The following FRMD4B variants were observed in gnomAD, a reference collection of about 807,000 sequenced individuals.
The protein encoded by FRMD4B is FERM domain containing 4B.
A neutral mutation model predicts 141.5 loss-of-function variants in FRMD4B; 74 were observed. The observed-to-expected ratio is 0.52, with a 90% CI of 0.43 to 0.63. The LOEUF (loss-of-function observed/expected upper bound fraction) is 0.63, where lower values mean the gene tolerates loss of function less well. FRMD4B is among the 30% of genes least tolerant of loss of function. The probability of loss-of-function intolerance (pLI) is 0.00; values close to 1 mark genes in which losing one functional copy is unlikely to be tolerated. For synonymous variants in FRMD4B, 506 were observed against 467.9 expected (o/e 1.08, Z -1.05); for missense variants, 1,366 against 1,253.4 (o/e 1.09, Z -1.36).
chr3:69,311,390 T>C, intron 2 of FRMD4B, 33 bp from the exon 3 acceptor site: 1 of 1,090,598 alleles, frequency 9.2e-7, no homozygotes, highest in Non-Finnish European at 1.4e-6. Context: ...AGAAGCAATT[T>C]GGTTGCCTCT....
rs113039134 is a variant in FRMD4B, at chr3:69,208,959, C to A, written c.876+7304G>T. On this transcript the variant is annotated intron_variant, in intron 11 of 22. Coordinates refer to ENST00000398540, the MANE Select transcript of FRMD4B (RefSeq NM_015123.3). ...AGGGGTTCGAGGCCAGCCTGGCCAACGTGGTGAAACCCCATCTCTACTACA... is the reference window on the plus strand; with the variant it reads ...AGGGGTTCGAGGCCAGCCTGGCCAAAGTGGTGAAACCCCATCTCTACTACA... Among the ~76,000 whole-genome samples, 408 of 152,202 alleles carry A rather than the reference C, an allele frequency of 2.7e-3. 2 individuals are homozygous for A. Among genetic ancestry groups the A allele is most frequent in the African/African-American group, 9.1e-3 (376 of 41,520 alleles).
At chr3:69,329,516 A>ATTT (rs10554375) in intron 1 of FRMD4B, among the ~76,000 whole-genome samples, 896 of 55,548 alleles carry the variant, frequency 0.016, 161 homozygotes, top group African/African-American at 0.019. Context: ...TGCCCAGCTA[A>ATTT]TTTTTTTTTT....
At chr3:69,496,353 C>T (rs1454885613) in intron 1 of FRMD4B, among the ~76,000 whole-genome samples, 1 of 152,118 alleles carries the variant, frequency 6.6e-6, no homozygotes, top group Admixed American at 6.5e-5. Context: ...CCACTTTCTG[C>T]TCCAGGAATG....
At chr3:69,494,986 A>AGGAAAGGGAG (rs901704401) in intron 1 of FRMD4B, among the ~76,000 whole-genome samples, 4 of 149,478 alleles carry the variant, frequency 2.7e-5, no homozygotes, top group African/African-American at 9.8e-5. Context: ...GGAGAGGGGA[A>AGGAAAGGGAG]GGAAAGGGAG....
At chr3:69,189,450 A>C (rs1297315748) in intron 18 of FRMD4B, among the ~76,000 whole-genome samples, 4 of 152,166 alleles carry the variant, frequency 2.6e-5, no homozygotes, top group Non-Finnish European at 5.9e-5. Flanking sequence ...TATTGTGATG[A>C]ATACAGTGAT....
intron 1 of FRMD4B, among the ~76,000 whole-genome samples, chr3:69,441,430 C>A (rs1007128637): frequency 1.2e-4 from 18 of 152,122 alleles, no homozygotes; most frequent in Admixed American, 9.2e-4. Flanking sequence ...GCTGTTTGGG[C>A]CTCGGTTCAG....
At chr3:69,208,544 C>T (rs374383360) in intron 11 of FRMD4B, among the ~76,000 whole-genome samples, 1 of 152,116 alleles carries the variant, frequency 6.6e-6, no homozygotes, top group Admixed American at 6.6e-5. Context: ...ATCGGCATAC[C>T]CTGTTCTTTG....
intron 6 of FRMD4B, 46 bp downstream of exon 6, chr3:69,249,997 G>A (rs377615613): frequency 2.3e-5 from 30 of 1,316,782 alleles, no homozygotes; most frequent in Non-Finnish European, 2.9e-5. Flanking sequence ...TAACAAAAAC[G>A]AACAAACACA....
chr3:69,411,327 G>A (rs756940941), intron 2 of FRMD4B, among the ~76,000 whole-genome samples: 19 of 152,102 alleles, frequency 1.2e-4, no homozygotes, highest in Non-Finnish European at 2.2e-4. Flanking sequence ...TCATTGTCCT[G>A]AGAGTATTTA....
rs532341346 is a variant in FRMD4B at position 69,169,012 on chromosome 3, T to A, written c.*2849A>T. On this transcript the variant is annotated 3_prime_UTR_variant, in exon 23 of 23. Transcript: ENST00000398540. ...AGAAAACAAAACAAACAAAAAAAAA[T>A]GTTGTAAAACTGTACTTGTAATATG... is the stretch of plus-strand genomic sequence containing the variant. Among the ~76,000 whole-genome samples the A allele has an allele frequency of 5.3e-5, 8 of 149,654 alleles. No homozygotes were observed. The South Asian group carries it at 1.7e-3, about 32-fold the overall frequency.
chr3:69,510,118 C>G (rs931553515), intron 1 of FRMD4B, among the ~76,000 whole-genome samples: 5 of 151,956 alleles, frequency 3.3e-5, no homozygotes, highest in Non-Finnish European at 7.4e-5. Context: ...CCTGAATATT[C>G]GTCCAGAACA....
At chr3:69,207,655 A>G (rs924647167) in intron 11 of FRMD4B, among the ~76,000 whole-genome samples, 3 of 152,076 alleles carry the variant, frequency 2.0e-5, no homozygotes, top group African/African-American at 7.2e-5. Context: ...TAAAAATACA[A>G]AAATTAGCTG....
chr3:69,436,367 A>C (rs1310254911), intron 1 of FRMD4B, among the ~76,000 whole-genome samples: 1 of 152,234 alleles, frequency 6.6e-6, no homozygotes, highest in Admixed American at 6.5e-5. Flanking sequence ...TAATAAAAAA[A>C]CTGTAGGATA....
intron 5 of FRMD4B, among the ~76,000 whole-genome samples, chr3:69,269,249 G>A (rs142422050): frequency 1.3e-5 from 2 of 151,766 alleles, no homozygotes; most frequent in African/African-American, 2.4e-5. Context: ...TTTTATAACC[G>A]TCCTCCTGGG....
intron 1 of FRMD4B, among the ~76,000 whole-genome samples, chr3:69,449,614 A>C (rs948557377): frequency 6.6e-6 from 1 of 152,216 alleles, no homozygotes; most frequent in African/African-American, 2.4e-5. Flanking sequence ...CAAGGCCCAG[A>C]CAAGTGAAAT....
At chr3:69,310,333 A>T in intron 3 of FRMD4B, 2 of 397,800 alleles carry the variant, frequency 5.0e-6, no homozygotes, top group East Asian at 1.5e-4. Context: ...TAAACTAAAG[A>T]ACTGAAAAAT....
intron 2 of FRMD4B, among the ~76,000 whole-genome samples, chr3:69,392,199 A>T (rs2106725736): frequency 6.6e-6 from 1 of 152,348 alleles, no homozygotes; most frequent in East Asian, 1.9e-4. Context: ...GACTGAGACG[A>T]TCTCTGTCTA....
At chr3:69,377,657 C>T (rs1160218831) in intron 1 of FRMD4B, among the ~76,000 whole-genome samples, 1 of 152,132 alleles carries the variant, frequency 6.6e-6, no homozygotes, top group Non-Finnish European at 1.5e-5. Context: ...AGCCCATCTC[C>T]AATAATGGGT....
At chr3:69,200,962 T>C (rs1313879084) in intron 11 of FRMD4B, 9 of 426,850 alleles carry the variant, frequency 2.1e-5, no homozygotes, top group Non-Finnish European at 3.8e-5. Flanking sequence ...CTTACAAATG[T>C]GAAACCCTAG....
Sources: allele counts gnomAD v4.1 joint callset (sites outside exome capture counted in the v4.1 genomes callset), GRCh38; gene constraint gnomAD v4.1.1; transcripts MANE v1.5; gene names NCBI Gene and HGNC (gene_info 2026-07-23, HGNC 2026-07-21).